BPTF: variants seen among roughly 807,000 people sequenced by gnomAD.
The protein encoded by BPTF is bromodomain PHD finger transcription factor.
In BPTF, 18 loss-of-function variants were observed where a neutral mutation model predicts 292.5. The observed-to-expected ratio is 0.06, with a 90% CI of 0.04 to 0.09. The LOEUF is 0.09. BPTF is among the 10% of genes least tolerant of loss of function. The pLI is 1.00. For synonymous variants in BPTF, 1,225 were observed against 1,251.9 expected, an observed-to-expected ratio of 0.98 and a Z score of 0.45; for missense variants, 2,726 against 3,498.7, an observed-to-expected ratio of 0.78 and a Z score of 5.57.
At chr17:67,907,129 G>C (rs2062258863) in intron 9 of BPTF, among the ~76,000 whole-genome samples, 1 of 149,674 alleles carries the variant, frequency 6.7e-6, no homozygotes, top group African/African-American at 2.5e-5. Flanking sequence ...AGGCTGCAGT[G>C]AGCTGAGATG....
chr17:67,907,367 T>C (rs1378138316), intron 9 of BPTF, among the ~76,000 whole-genome samples: 7 of 151,522 alleles, frequency 4.6e-5, no homozygotes, highest in African/African-American at 9.7e-5. Flanking sequence ...ACTTTTTTTT[T>C]TTTTTTGAGA....
chr17:67,921,511 G>A (rs1233193833), intron 13 of BPTF, among the ~76,000 whole-genome samples: 1 of 151,958 alleles, frequency 6.6e-6, no homozygotes, highest in Admixed American at 6.6e-5. Context: ...GGGCAACAGA[G>A]TGAGACTCCA....
chr17:67,965,681 GAC>G, intron 25 of BPTF: 1 of 152,144 alleles, frequency 6.6e-6, no homozygotes, highest in Non-Finnish European at 1.5e-5. Flanking sequence ...TAGCCCAGGT[GAC>G]AGTGTGAGAC....
chr17:67,955,620 A>C (rs1555680565), intron 23 of BPTF: 1 of 152,022 alleles, frequency 6.6e-6, no homozygotes, highest in Non-Finnish European at 1.5e-5. Context: ...TGAGCTCAGG[A>C]GTTCGAGACC....
chr17:67,978,308 A>ATATT (rs2069817257), intron 27 of BPTF, among the ~76,000 whole-genome samples: 1 of 144,252 alleles, frequency 6.9e-6, no homozygotes, highest in Non-Finnish European at 1.5e-5. Context: ...ATATATATAT[A>ATATT]TTTTTTTTGA....
intron 15 of BPTF, 94 bp downstream of exon 15, chr17:67,924,683 G>A: frequency 1.4e-6 from 2 of 1,392,902 alleles, no homozygotes; most frequent in Non-Finnish European, 2.0e-6. Flanking sequence ...GGGGGAGTTG[G>A]TGCTGGTCCC....
At chr17:67,980,718 G>A (rs2070242435) in intron 27 of BPTF, among the ~76,000 whole-genome samples, 1 of 152,264 alleles carries the variant, frequency 6.6e-6, no homozygotes, top group Non-Finnish European at 1.5e-5. Flanking sequence ...TGGAGGCCTA[G>A]GCTGGGCCTG....
chr17:67,970,454 A>G (rs892744568), intron 26 of BPTF, among the ~76,000 whole-genome samples: 10 of 152,250 alleles, frequency 6.6e-5, no homozygotes, highest in South Asian at 2.1e-4. Flanking sequence ...ATAATCTCCT[A>G]TATCTCCTAA....
At chr17:67,832,119 A>AT (rs2056743897) in intron 1 of BPTF, among the ~76,000 whole-genome samples, 7 of 151,870 alleles carry the variant, frequency 4.6e-5, no homozygotes, top group Non-Finnish European at 2.9e-5. Context: ...CAAACTCCTG[A>AT]CCTTGTGATC....
intron 27 of BPTF, among the ~76,000 whole-genome samples, chr17:67,976,858 G>C (rs552820591): frequency 6.6e-6 from 1 of 152,114 alleles, no homozygotes; most frequent in Admixed American, 6.5e-5. Flanking sequence ...ATAAATTAAA[G>C]CCCCTGCACT....
Position 67,854,367 on chromosome 17 carries a change from A to G in BPTF, c.1041A>G (p.Gln347=), listed in dbSNP as rs182468304. Residue 347 remains glutamine, a synonymous_variant, in exon 2 of 28, where the codon CAA becomes CAG. Coordinates refer to ENST00000306378, the MANE Select transcript of BPTF (RefSeq NM_182641.4). This position sits in a 1 kb window ranked among gnomAD's most constrained non-coding sequence, Gnocchi z 5.6. The part of the protein sequence containing the change: ...DKEYHHVLPY[Q]EAEDYPYGPV... ...AGTACCATCACGTTCTTCCTTACCA[A>G]GAGGCAGAGGACTACCCATATGGAC... 487 of 1,614,206 alleles carry G rather than the reference A, an allele frequency of 3.0e-4. No individual in the cohort carries two copies. The highest frequency in any genetic ancestry group is 3.8e-4 in the Non-Finnish European group (451 of 1,180,042).
intron 23 of BPTF, among the ~76,000 whole-genome samples, chr17:67,959,292 T>C (rs2067241597): frequency 6.6e-6 from 1 of 152,232 alleles, no homozygotes; most frequent in Admixed American, 6.5e-5. Flanking sequence ...GGCTCATCTT[T>C]CAGTCAGCTC....
intron 7 of BPTF, among the ~76,000 whole-genome samples, chr17:67,899,110 A>G (rs1209234950): frequency 6.6e-6 from 1 of 152,190 alleles, no homozygotes; most frequent in African/African-American, 2.4e-5. Context: ...GTAAAATTAC[A>G]GACCCACAGG....
At chr17:67,951,944 A>G (rs1181708373) in intron 23 of BPTF, among the ~76,000 whole-genome samples, 2 of 150,132 alleles carry the variant, frequency 1.3e-5, no homozygotes, top group African/African-American at 4.9e-5. Flanking sequence ...AGTTCCAGCT[A>G]CTCAGGAGGA....
chr17:67,948,982 TAAACA>T (rs2066025026), intron 23 of BPTF, among the ~76,000 whole-genome samples: 3 of 152,044 alleles, frequency 2.0e-5, no homozygotes, highest in Admixed American at 6.5e-5. Context: ...CCTTGTCTCA[TAAACA>T]AAACAAACAA....
intron 27 of BPTF, among the ~76,000 whole-genome samples, chr17:67,979,952 A>G (rs2070132005): frequency 6.6e-6 from 1 of 152,038 alleles, no homozygotes; most frequent in South Asian, 2.1e-4. Flanking sequence ...GAGACAGGAG[A>G]ATCACTTGAA....
intron 1 of BPTF, among the ~76,000 whole-genome samples, chr17:67,828,585 A>G (rs1185297824): frequency 2.0e-5 from 3 of 152,188 alleles, no homozygotes; most frequent in Admixed American, 6.5e-5. Context: ...CTGGAGTGCA[A>G]TGGCACAATC....
chr17:67,944,753 T>G (rs548584243), intron 20 of BPTF, among the ~76,000 whole-genome samples: 3 of 152,172 alleles, frequency 2.0e-5, no homozygotes, highest in Non-Finnish European at 4.4e-5. Flanking sequence ...CCAGAACCAC[T>G]TTGTTGACCT....
chr17:67,978,306 A>T (rs56934829), intron 27 of BPTF, among the ~76,000 whole-genome samples: 61,842 of 141,482 alleles, frequency 0.44, 14,379 homozygotes, highest in East Asian at 0.81. Context: ...ATATATATAT[A>T]TATTTTTTTT....
Sources: allele counts gnomAD v4.1 joint callset (sites outside exome capture counted in the v4.1 genomes callset), GRCh38; gene constraint gnomAD v4.1.1; non-coding constraint Gnocchi (gnomAD v3.1); transcripts MANE v1.5; gene names NCBI Gene and HGNC (gene_info 2026-07-23, HGNC 2026-07-21).